The following EIF4ENIF1 variants were observed in gnomAD, a reference collection of about 807,000 sequenced individuals.
EIF4ENIF1 encodes the protein eukaryotic translation initiation factor 4E transporter.
Under a neutral mutation model 110.5 loss-of-function variants are expected in EIF4ENIF1, and 23 were observed. That is an observed-to-expected ratio of 0.21 (90% CI 0.15 to 0.29). EIF4ENIF1 has a LOEUF of 0.29. EIF4ENIF1 is among the 10% of genes least tolerant of loss of function. The probability of loss-of-function intolerance (pLI) is 1.00; values close to 1 mark genes in which losing one functional copy is unlikely to be tolerated. For synonymous variants in EIF4ENIF1, 440 were observed against 437.0 expected (o/e 1.01, Z -0.09); for missense variants, 1,031 against 1,221.1 (o/e 0.84, Z 2.32).
chr22:31,448,101 C>G (rs1479195101), intron 13 of EIF4ENIF1, 52 bp downstream of exon 13: 3 of 1,596,678 alleles, frequency 1.9e-6, no homozygotes, highest in Non-Finnish European at 2.6e-6. Context: ...CCCCATGCAC[C>G]AAGAGGGTGA....
At chr22:31,451,297 C>T (rs1569074188) in intron 10 of EIF4ENIF1, 1 of 152,030 alleles carries the variant, frequency 6.6e-6, no homozygotes, top group African/African-American at 2.4e-5. Flanking sequence ...TTTTTTGAGA[C>T]AGAGTCTTGC....
chr22:31,444,396 T>C (rs1446484686), intron 15 of EIF4ENIF1: 2 of 511,642 alleles, frequency 3.9e-6, no homozygotes, highest in Non-Finnish European at 3.6e-6. Flanking sequence ...CTGGAACATA[T>C]TTTCCCCAAT....
At chr22:31,482,721 A>T (rs2051865937) in intron 2 of EIF4ENIF1, among the ~76,000 whole-genome samples, 1 of 150,478 alleles carries the variant, frequency 6.6e-6, no homozygotes, top group Non-Finnish European at 1.5e-5. Flanking sequence ...TATTCACTTG[A>T]CGAAAATAAC....
intron 10 of EIF4ENIF1, chr22:31,453,369 C>A (rs929383464): frequency 3.4e-5 from 14 of 405,814 alleles, no homozygotes; most frequent in Admixed American, 3.0e-5. Flanking sequence ...CTGACAAACC[C>A]ATCTTACTTT....
chr22:31,458,238 AAAC>A (rs1423985276), intron 7 of EIF4ENIF1, among the ~76,000 whole-genome samples: 1 of 151,926 alleles, frequency 6.6e-6, no homozygotes, highest in African/African-American at 2.4e-5. Flanking sequence ...AAAAAAAAAA[AAAC>A]AACAAAAAAA....
chr22:31,444,923 GA>G (rs2050415119), intron 14 of EIF4ENIF1, among the ~76,000 whole-genome samples: 1 of 152,126 alleles, frequency 6.6e-6, no homozygotes, highest in Non-Finnish European at 1.5e-5. Flanking sequence ...TCTAGCGGGG[GA>G]GACAATCACC....
At position 31,468,190 on chromosome 22, in the gene EIF4ENIF1, C is replaced by T. The variant is rs1478906535; in HGVS notation, c.283G>A (p.Val95Met). 6.2e-7 allele frequency: 1 copy of T among 1,614,122 alleles called. No homozygotes were observed. Among genetic ancestry groups the T allele is most frequent in the Admixed American group, 1.7e-5 (1 of 60,008 alleles). ...GTGTGCTCACCTACTATCCTGCGCA[C>T]CAGGGAAGGCCGGTCTGTATCCAAC... ...KELDTDRPSL[V>M]RRIVDPRERV... Residue 95 changes from valine (V) to methionine (M), a missense_variant, in exon 4 of 19, where the codon GTG (valine) becomes ATG (methionine). Coordinates refer to ENST00000330125, the MANE Select transcript of EIF4ENIF1 (RefSeq NM_019843.4).
intron 9 of EIF4ENIF1, 32 bp from the exon 10 acceptor site, chr22:31,454,408 A>G (rs371642079): frequency 1.3e-6 from 2 of 1,574,722 alleles, no homozygotes; most frequent in African/African-American, 2.7e-5. Context: ...GGTTAAATCA[A>G]GCAAAGAGAT....
intron 18 of EIF4ENIF1, 144 bp from the exon 19 acceptor site, chr22:31,440,265 A>G (rs529801824): frequency 5.7e-6 from 7 of 1,228,652 alleles, no homozygotes; most frequent in Admixed American, 2.3e-5. Context: ...CAAAATACCA[A>G]CAATGCCAGA....
In EIF4ENIF1 at chr22:31,463,953, C is replaced by A. The variant is rs1205234610; in HGVS notation, c.313G>T (p.Val105Leu). 2 of 1,612,562 alleles carry A rather than the reference C, an allele frequency of 1.2e-6. No individual in the cohort carries two copies. The highest frequency in any genetic ancestry group is 2.2e-5 in the South Asian group (2 of 91,080). The change falls in exon 5 of 19, where the codon GTG (valine) becomes TTG (leucine). Residue 105 changes from valine (V) to leucine (L), a missense_variant. Coordinates refer to ENST00000330125, the MANE Select transcript of EIF4ENIF1 (RefSeq NM_019843.4). ...ACAACATCTAAGTCATCTTCTTTCA[C>A]ACGCTCTCGTGGATCTGGAAGGACG... Reference protein sequence around the residue: ...VRRIVDPRERVKEDDLDVVLS... With the variant: ...VRRIVDPRERLKEDDLDVVLS...
Position 31,463,062 on chromosome 22 carries a change from T to C in EIF4ENIF1, c.657A>G (p.Pro219=), listed in dbSNP as rs372211414. The C allele has an allele frequency of 1.2e-6, 2 of 1,614,228 alleles. No homozygotes were observed. Among genetic ancestry groups the C allele is most frequent in the African/African-American group, 2.7e-5 (2 of 75,058 alleles). Residue 219 remains proline, a synonymous_variant, in exon 6 of 19, where the codon CCA becomes CCG. Coordinates refer to ENST00000330125, the MANE Select transcript of EIF4ENIF1 (RefSeq NM_019843.4). ...TTGTGGGTCCAGCAGAGAACCACTC[T>C]GGTTCTTCTTCTGTGTAAGAATCAT... ...RRNDSYTEEE[P]EWFSAGPTSQ...
chr22:31,454,428 G>T, intron 9 of EIF4ENIF1, 52 bp from the exon 10 acceptor site: 1 of 1,490,394 alleles, frequency 6.7e-7, no homozygotes, highest in Non-Finnish European at 9.3e-7. Flanking sequence ...TATCTGGTAG[G>T]AATTCTCTTT....
rs369590306 is a variant in EIF4ENIF1, at chr22:31,455,313, G to C, written c.1102C>G (p.Leu368Val). The change falls in exon 9 of 19, where the codon CTG (leucine) becomes GTG (valine). Residue 368 changes from leucine to valine, a missense_variant and splice_region_variant. By Grantham distance (32) the Leu-to-Val change is conservative (BLOSUM62 1). Transcript: ENST00000330125. Reference sequence around the variant, plus strand: ...CCAGGAGAGAGGATGGCTTGCTCCAGACCTGATATTGCAAATAAACATACT... The same window carrying C: ...CCAGGAGAGAGGATGGCTTGCTCCACACCTGATATTGCAAATAAACATACT... ...PHEELERLAG[L>V]EQAILSPGQN... is the part of the protein sequence containing the mutation. The C allele has an allele frequency of 5.8e-6, 9 of 1,557,820 alleles. No homozygotes were observed. The highest frequency in any genetic ancestry group is 7.8e-6 in the Non-Finnish European group (9 of 1,152,816).
chr22:31,440,046 C>A lies in EIF4ENIF1; in HGVS notation c.2792G>T (p.Arg931Leu), dbSNP rs556248933. ...VQTTPQNVPS[R>L]SGLPHMHSQL... is the part of the protein sequence containing the mutation. Reference sequence around the variant, plus strand: ...GGAGTGCATGTGGGGCAGGCCTGACCGGCTGGGCACGTTCTGAGGGGTTGT... The same window carrying A: ...GGAGTGCATGTGGGGCAGGCCTGACAGGCTGGGCACGTTCTGAGGGGTTGT... Residue 931 changes from arginine to leucine, a missense_variant, in exon 19 of 19, where the codon CGG becomes CTG. Physicochemically the swap from Arg to Leu is moderately radical, Grantham distance 102. Coordinates refer to ENST00000330125, the MANE Select transcript of EIF4ENIF1 (RefSeq NM_019843.4). 64 of 1,613,926 alleles carry A rather than the reference C, an allele frequency of 4.0e-5. No individual in the cohort carries two copies. The highest frequency in any genetic ancestry group is 2.0e-4 in the South Asian group (18 of 91,044).
chr22:31,490,214 C>G (rs2052221894), upstream of EIF4ENIF1, among the ~76,000 whole-genome samples: 1 of 152,234 alleles, frequency 6.6e-6, no homozygotes, highest in South Asian at 2.1e-4. Context: ...GAGGCGGTGG[C>G]TAGATGGGGC....
chr22:31,482,026 C>T (rs932095052), intron 2 of EIF4ENIF1, among the ~76,000 whole-genome samples: 1 of 151,860 alleles, frequency 6.6e-6, no homozygotes, highest in Non-Finnish European at 1.5e-5. Context: ...AAAAAATTAG[C>T]CATGTGTGGT....
chr22:31,464,085 A>C (rs2051091996), intron 4 of EIF4ENIF1, 118 bp from the exon 5 acceptor site: 1 of 1,358,972 alleles, frequency 7.4e-7, no homozygotes, highest in Non-Finnish European at 9.8e-7. Context: ...AGTCACCACT[A>C]AAATTGGGCT....
intron 7 of EIF4ENIF1, among the ~76,000 whole-genome samples, 162 bp from the exon 8 acceptor site, chr22:31,456,149 C>T (rs1477210638): frequency 1.3e-5 from 2 of 152,084 alleles, no homozygotes; most frequent in Non-Finnish European, 2.9e-5. Context: ...TTTCTTCCTC[C>T]ATCCTGGGTA....
intron 2 of EIF4ENIF1, among the ~76,000 whole-genome samples, chr22:31,481,740 G>A (rs890444936): frequency 6.6e-6 from 1 of 152,214 alleles, no homozygotes; most frequent in East Asian, 1.9e-4. Flanking sequence ...TGTTTTAAAG[G>A]AAAGACAAAC....
Sources: gnomAD v4.1 joint callset for allele counts (sites outside exome capture counted in the v4.1 genomes callset) on GRCh38, gnomAD v4.1.1 for gene constraint, MANE v1.5 for transcripts, NCBI Gene and HGNC (gene_info 2026-07-23, HGNC 2026-07-21) for gene names.